DOCK11: variants seen among roughly 807,000 people sequenced by gnomAD.
DOCK11 encodes the protein dedicator of cytokinesis protein 11.
In DOCK11, 70 loss-of-function variants were observed where a neutral mutation model predicts 169.1. The observed-to-expected ratio is 0.41, with a 90% CI of 0.34 to 0.51. The LOEUF (loss-of-function observed/expected upper bound fraction) is 0.51, where lower values mean the gene tolerates loss of function less well. Ranked by LOEUF, DOCK11 falls within the 20% of genes least tolerant of loss-of-function variation. DOCK11 has a pLI of 0.10. For missense variants in DOCK11, 1,166 were observed against 1,538.8 expected (o/e 0.76, Z 4.05); for synonymous variants, 529 against 541.3 (o/e 0.98, Z 0.32).
At chrX:118,550,191 C>A (rs2012444430) in intron 6 of DOCK11, among the ~76,000 whole-genome samples, 2 of 111,708 alleles carry the variant, frequency 1.8e-5, no homozygotes, top group Admixed American at 1.9e-4. Context: ...ATAATCCCAG[C>A]AGTTTGGGAA....
chrX:118,531,704 C>T (rs2011593809), intron 1 of DOCK11, among the ~76,000 whole-genome samples: 3 of 108,973 alleles, frequency 2.8e-5, no homozygotes, highest in African/African-American at 3.3e-5. Flanking sequence ...ATTACAGGCG[C>T]CCGCCACCAC....
chrX:118,538,311 A>T (rs953484173), intron 1 of DOCK11, among the ~76,000 whole-genome samples: 1 of 112,051 alleles, frequency 8.9e-6, no homozygotes, highest in Non-Finnish European at 1.9e-5. Context: ...TTCCTGATGG[A>T]TAAAGTTGAA....
chrX:118,572,570 T>C (rs773505651), intron 11 of DOCK11, 107 bp downstream of exon 11: 3 of 742,223 alleles, frequency 4.0e-6, no homozygotes, highest in South Asian at 8.7e-5. Flanking sequence ...TTTACCTATA[T>C]AACAAACCTG....
chrX:118,545,609 A>G (rs1483259093), intron 5 of DOCK11, among the ~76,000 whole-genome samples: 1 of 111,047 alleles, frequency 9.0e-6, no homozygotes, highest in Non-Finnish European at 1.9e-5. Flanking sequence ...GAGAGGGGCT[A>G]TGATTTGTAC....
intron 26 of DOCK11, among the ~76,000 whole-genome samples, 156 bp downstream of exon 26, chrX:118,608,512 G>A (rs978118506): frequency 1.8e-5 from 2 of 111,260 alleles, no homozygotes; most frequent in African/African-American, 6.6e-5. Context: ...GTTCTCCACA[G>A]AACCTTCTTC....
chrX:118,526,647 A>T (rs754075458), intron 1 of DOCK11, among the ~76,000 whole-genome samples: 41 of 112,306 alleles, frequency 3.7e-4, no homozygotes, highest in African/African-American at 1.3e-3. Context: ...TCCCTAAGAG[A>T]AACCTCCCAA....
intron 36 of DOCK11, among the ~76,000 whole-genome samples, chrX:118,637,878 T>C (rs1044093937): frequency 5.4e-5 from 6 of 111,881 alleles, no homozygotes; most frequent in Non-Finnish European, 7.5e-5. Flanking sequence ...GAAAACATGA[T>C]GTAATTGTAG....
chrX:118,647,529 TAA>T (rs2015720886), intron 40 of DOCK11, among the ~76,000 whole-genome samples: 2 of 74,313 alleles, frequency 2.7e-5, no homozygotes, highest in Non-Finnish European at 4.8e-5. Flanking sequence ...ATATATAATA[TAA>T]TATTATATAT....
In DOCK11 at chrX:118,636,375, T is replaced by A. The variant is rs1211623206; in HGVS notation, c.3916T>A (p.Ser1306Thr). ...DTLLTYWNKV[S>T]PQELINILIL... is the part of the protein sequence containing the mutation. ...TCTCTTAACTTACTGGAATAAAGTA[T>A]CACCTCAGGAGCTCATAAACATTCT... The change falls in exon 36 of 53, where the codon TCA becomes ACA. Residue 1306 changes from serine (S) to threonine (T), a missense_variant. Transcript: ENST00000276202. 1.8e-6 allele frequency: 2 copies of A among 1,097,466 alleles called. No homozygotes were observed. The allele number at this position is 1,097,466 out of a possible 1,213,427, so 90.4% of individuals were successfully genotyped here.
At chrX:118,507,749 C>T in intron 1 of DOCK11, among the ~76,000 whole-genome samples, 2 of 111,951 alleles carry the variant, frequency 1.8e-5, no homozygotes, top group South Asian at 7.4e-4. Flanking sequence ...GTCTACAGGT[C>T]ACTACTGAAC....
intron 1 of DOCK11, among the ~76,000 whole-genome samples, 199 bp from the exon 2 acceptor site, chrX:118,542,520 TTGTGTG>T (rs1556262327): frequency 1.3e-4 from 14 of 103,980 alleles, no homozygotes; most frequent in African/African-American, 2.1e-4. Flanking sequence ...GTGTGTGTGT[TTGTGTG>T]TGTGTGTGTG....
intron 46 of DOCK11, among the ~76,000 whole-genome samples, chrX:118,671,688 A>AT (rs1258762805): frequency 9.5e-6 from 1 of 105,197 alleles, no homozygotes; most frequent in African/African-American, 3.4e-5. Context: ...GAAAAAAAAA[A>AT]TTTTTTTTTG....
At chrX:118,671,211 A>C in intron 46 of DOCK11, 66 bp downstream of exon 46, 1 of 999,062 alleles carries the variant, frequency 1.0e-6, no homozygotes, top group Non-Finnish European at 1.4e-6. Flanking sequence ...GAAAACAGTA[A>C]TATAGTTCTG....
chrX:118,616,927 G>A (rs1027078591), intron 30 of DOCK11, among the ~76,000 whole-genome samples: 3 of 111,422 alleles, frequency 2.7e-5, no homozygotes, highest in Non-Finnish European at 5.6e-5. Flanking sequence ...CCCCTTATTC[G>A]ATTCTGAACA....
At chrX:118,519,562 T>C (rs750526966) in intron 1 of DOCK11, among the ~76,000 whole-genome samples, 1 of 111,432 alleles carries the variant, frequency 9.0e-6, no homozygotes, top group East Asian at 2.8e-4. Flanking sequence ...AATTTTAAGG[T>C]CTGCTCTTCA....
chrX:118,646,074 A>C (rs1355260258), intron 40 of DOCK11, among the ~76,000 whole-genome samples: 14 of 104,710 alleles, frequency 1.3e-4, no homozygotes, highest in South Asian at 7.9e-4. Context: ...AAAAAAAAAA[A>C]AACACAACAA....
chrX:118,505,777 C>T (rs888845551), intron 1 of DOCK11, among the ~76,000 whole-genome samples: 6 of 112,594 alleles, frequency 5.3e-5, no homozygotes, highest in Admixed American at 1.9e-4. Flanking sequence ...GGGAGAAGCA[C>T]TCTGTCCTGT....
chrX:118,570,953 A>C (rs1202573933), intron 10 of DOCK11, among the ~76,000 whole-genome samples: 1 of 111,902 alleles, frequency 8.9e-6, no homozygotes, highest in Non-Finnish European at 1.9e-5. Flanking sequence ...TTCTTCTTAA[A>C]CTTGTTTTTA....
intron 12 of DOCK11, among the ~76,000 whole-genome samples, chrX:118,575,153 C>T (rs769428454): frequency 9.0e-6 from 1 of 111,328 alleles, no homozygotes; most frequent in African/African-American, 3.3e-5. Flanking sequence ...GTAAAAGTCT[C>T]CACCCAAAAG....
Sources: gnomAD v4.1 joint callset for allele counts (sites outside exome capture counted in the v4.1 genomes callset) on GRCh38, gnomAD v4.1.1 for gene constraint, MANE v1.5 for transcripts, NCBI Gene and HGNC (gene_info 2026-07-23, HGNC 2026-07-21) for gene names.